The following SLC25A26 variants were observed in gnomAD, a reference collection of about 807,000 sequenced individuals.
The protein encoded by SLC25A26 is solute carrier family 25 member 26, also known as mitochondrial S-adenosylmethionine carrier protein.
A neutral mutation model predicts 37.8 loss-of-function variants in SLC25A26; 36 were observed. That is an observed-to-expected ratio of 0.95 (90% CI 0.73 to 1.26). The LOEUF (loss-of-function observed/expected upper bound fraction) is 1.26. SLC25A26 is among the 50% of genes most tolerant of loss of function. SLC25A26 has a pLI of 0.00. For synonymous variants in SLC25A26, 129 were observed against 122.5 expected (o/e 1.05, Z -0.35); for missense variants, 390 against 331.1 (o/e 1.18, Z -1.38).
chr3:66,172,582 C>A (rs1258494305), intron 1 of SLC25A26, among the ~76,000 whole-genome samples: 1 of 152,122 alleles, frequency 6.6e-6, no homozygotes, highest in African/African-American at 2.4e-5. Flanking sequence ...GCCATAGCCA[C>A]AGCCTGGCTG....
At chr3:66,307,543 G>T (rs1022485975) in intron 5 of SLC25A26, among the ~76,000 whole-genome samples, 1 of 152,088 alleles carries the variant, frequency 6.6e-6, no homozygotes, top group Non-Finnish European at 1.5e-5. Context: ...TGTTGTTGCC[G>T]TTGCTTTTGG....
chr3:66,283,761 C>T (rs567337796), intron 5 of SLC25A26, among the ~76,000 whole-genome samples: 1 of 151,890 alleles, frequency 6.6e-6, no homozygotes, highest in African/African-American at 2.4e-5. Flanking sequence ...TTAAATAGTC[C>T]AGAAAATAAA....
intron 5 of SLC25A26, among the ~76,000 whole-genome samples, chr3:66,284,925 A>T (rs1452063046): frequency 6.6e-6 from 1 of 152,226 alleles, no homozygotes; most frequent in Non-Finnish European, 1.5e-5. Flanking sequence ...AAAGGATAGG[A>T]AAGAGTTAAA....
chr3:66,345,354 G>A (rs879509042), intron 5 of SLC25A26, among the ~76,000 whole-genome samples: 1 of 152,016 alleles, frequency 6.6e-6, no homozygotes, highest in Non-Finnish European at 1.5e-5. Context: ...CTTGCAAGTA[G>A]CTCTGTCTGC....
At chr3:66,268,244 G>T (rs773853023) in intron 5 of SLC25A26, among the ~76,000 whole-genome samples, 1 of 152,114 alleles carries the variant, frequency 6.6e-6, no homozygotes, top group Non-Finnish European at 1.5e-5. Context: ...TTTTATACAT[G>T]GTTGAATGTT....
At position 66,370,583 on chromosome 3, in the gene SLC25A26, C is replaced by A; in HGVS notation, c.688C>A (p.Arg230=). ...GCTCTCTGTCCTGCATGGGGTCTGG[C>A]GGTCACAGGGGCTGGCAGGGTAAGA... ...NVLSVLHGVW[R]SQGLAGLFAG... is the part of the protein sequence containing the mutation. Residue 230 remains arginine (R), a synonymous_variant, in exon 9 of 10, where the codon CGG becomes AGG. Coordinates refer to ENST00000354883, the MANE Select transcript of SLC25A26 (RefSeq NM_001379210.1). 2 of 1,613,698 alleles carry A rather than the reference C, an allele frequency of 1.2e-6. No individual in the cohort carries two copies. The highest frequency in any genetic ancestry group is 1.7e-6 in the Non-Finnish European group (2 of 1,179,774).
chr3:66,321,846 T>G (rs1468303222), intron 5 of SLC25A26, among the ~76,000 whole-genome samples: 4 of 152,060 alleles, frequency 2.6e-5, no homozygotes, highest in Non-Finnish European at 4.4e-5. Flanking sequence ...TGTACTGCTA[T>G]GACAGAATAC....
intron 2 of SLC25A26, among the ~76,000 whole-genome samples, chr3:66,240,785 A>T (rs1576689866): frequency 1.6e-5 from 2 of 127,764 alleles, no homozygotes; most frequent in African/African-American, 6.2e-5. Flanking sequence ...TCACTCTTTC[A>T]CCCAGGCTGG....
At chr3:66,268,522 A>G (rs1419582962) in intron 5 of SLC25A26, among the ~76,000 whole-genome samples, 28 of 152,208 alleles carry the variant, frequency 1.8e-4, no homozygotes. Context: ...CTGTGAACTG[A>G]TGATTTGAAA....
chr3:66,276,516 A>G (rs2074152385), intron 5 of SLC25A26, among the ~76,000 whole-genome samples: 1 of 152,104 alleles, frequency 6.6e-6, no homozygotes, highest in South Asian at 2.1e-4. Flanking sequence ...AACTGTTTGT[A>G]TGGGCAGAAC....
chr3:66,269,496 G>A (rs867799796), intron 5 of SLC25A26, among the ~76,000 whole-genome samples: 3 of 152,180 alleles, frequency 2.0e-5, no homozygotes, highest in African/African-American at 7.2e-5. Context: ...GGTATAAAAA[G>A]TAAAGTTACC....
intron 5 of SLC25A26, among the ~76,000 whole-genome samples, chr3:66,338,515 T>A (rs940876368): frequency 2.0e-5 from 3 of 152,050 alleles, no homozygotes; most frequent in Admixed American, 6.6e-5. Context: ...TAAAAAAAAA[T>A]TTTTATATCG....
intron 2 of SLC25A26, among the ~76,000 whole-genome samples, chr3:66,238,454 G>A (rs1269307033): frequency 1.3e-5 from 2 of 151,906 alleles, no homozygotes; most frequent in Non-Finnish European, 2.9e-5. Context: ...GCCATCTCTG[G>A]TCACTGCAGC....
At chr3:66,314,033 G>A (rs924651758) in intron 5 of SLC25A26, among the ~76,000 whole-genome samples, 1 of 152,064 alleles carries the variant, frequency 6.6e-6, no homozygotes, top group Non-Finnish European at 1.5e-5. Context: ...GAGACAATGG[G>A]GTTTTCTAGA....
intron 1 of SLC25A26, among the ~76,000 whole-genome samples, chr3:66,213,608 A>G (rs931248441): frequency 1.2e-4 from 19 of 152,060 alleles, no homozygotes; most frequent in African/African-American, 4.1e-4. Context: ...ATTTGTTACA[A>G]TCAATGGACC....
At chr3:66,285,646 G>C (rs1037509308) in intron 5 of SLC25A26, among the ~76,000 whole-genome samples, 4 of 151,230 alleles carry the variant, frequency 2.6e-5, no homozygotes, top group African/African-American at 7.3e-5. Context: ...TTTTAAATGA[G>C]ATGGGGTTTT....
chr3:66,158,443 G>A (rs186517694), intron 1 of SLC25A26, among the ~76,000 whole-genome samples: 14 of 152,220 alleles, frequency 9.2e-5, no homozygotes, highest in African/African-American at 1.7e-4. Flanking sequence ...TGGATGTTAC[G>A]TTTTGAATTT....
chr3:66,311,295 T>G (rs2075369811), intron 5 of SLC25A26, among the ~76,000 whole-genome samples: 1 of 152,078 alleles, frequency 6.6e-6, no homozygotes, highest in African/African-American at 2.4e-5. Context: ...TATTGATACT[T>G]GTGTATGCTT....
At chr3:66,260,401 A>G (rs536358920) in intron 3 of SLC25A26, among the ~76,000 whole-genome samples, 26 of 152,336 alleles carry the variant, frequency 1.7e-4, no homozygotes, top group Non-Finnish European at 3.2e-4. Context: ...AGCTTTATAC[A>G]TAAGAAGCAT....
Sources: gnomAD v4.1 joint callset for allele counts (sites outside exome capture counted in the v4.1 genomes callset) on GRCh38, gnomAD v4.1.1 for gene constraint, MANE v1.5 for transcripts, NCBI Gene and HGNC (gene_info 2026-07-23, HGNC 2026-07-21) for gene names.